The following ICA1L variants were observed in gnomAD, a reference collection of about 807,000 sequenced individuals.
ICA1L encodes islet cell autoantigen 1-like protein.
In ICA1L, 50 loss-of-function variants were observed where a neutral mutation model predicts 61.3. That is an observed-to-expected ratio of 0.82 (90% CI 0.65 to 1.03). The LOEUF is 1.03. Ranked by LOEUF, ICA1L falls within the 50% of genes least tolerant of loss-of-function variation. ICA1L has a pLI of 0.00. For synonymous variants in ICA1L, 161 were observed against 191.3 expected (o/e 0.84, Z 1.31); for missense variants, 508 against 556.7 (o/e 0.91, Z 0.88).
intron 6 of ICA1L, among the ~76,000 whole-genome samples, chr2:202,816,660 C>T (rs1324870336): frequency 6.6e-6 from 1 of 152,196 alleles, no homozygotes; most frequent in East Asian, 1.9e-4. Flanking sequence ...CATCCTTTCT[C>T]CATTTCTGAA....
intron 12 of ICA1L, among the ~76,000 whole-genome samples, chr2:202,785,239 AAAAG>A (rs1423095430): frequency 2.0e-5 from 3 of 151,202 alleles, no homozygotes; most frequent in South Asian, 4.2e-4. Context: ...AAAAAAAAAG[AAAAG>A]AAAAAGGTTA....
chr2:202,807,572 GTGT>G (rs1234662810), intron 9 of ICA1L, among the ~76,000 whole-genome samples: 5 of 152,148 alleles, frequency 3.3e-5, no homozygotes, highest in Non-Finnish European at 7.4e-5. Flanking sequence ...GCAAGCCCTG[GTGT>G]TGTGCTGGGC....
At chr2:202,824,832 G>A (rs1413226512) in intron 3 of ICA1L, among the ~76,000 whole-genome samples, 2 of 152,196 alleles carry the variant, frequency 1.3e-5, no homozygotes, top group Non-Finnish European at 2.9e-5. Context: ...GCAAAGGCAG[G>A]ATGCCAAGAA....
At chr2:202,803,256 C>T (rs1157422392) in intron 9 of ICA1L, among the ~76,000 whole-genome samples, 1 of 151,798 alleles carries the variant, frequency 6.6e-6, no homozygotes, top group African/African-American at 2.4e-5. Context: ...AAAAAATTAG[C>T]TGGGTGTGGT....
intron 1 of ICA1L, among the ~76,000 whole-genome samples, chr2:202,847,695 T>TATATATATATATATATATATATATATA (rs1694501069): frequency 2.0e-5 from 2 of 102,230 alleles, no homozygotes; most frequent in African/African-American, 8.6e-5. Flanking sequence ...TATATGGGAA[T>TATATATATATATATATATATATATATA]TATATATATA....
At chr2:202,786,054 G>A (rs759265495) in intron 11 of ICA1L, 47 bp from the exon 12 acceptor site, 2 of 1,059,976 alleles carry the variant, frequency 1.9e-6, no homozygotes, top group African/African-American at 1.6e-5. Flanking sequence ...CAAATAGGAA[G>A]CAGCATCAGA....
At chr2:202,836,544 T>C (rs970493636) in intron 1 of ICA1L, among the ~76,000 whole-genome samples, 5 of 152,148 alleles carry the variant, frequency 3.3e-5, no homozygotes, top group Non-Finnish European at 7.4e-5. Flanking sequence ...TCTCCTTCCT[T>C]TTCAATTTTT....
At chr2:202,818,411 G>A (rs544897224) in intron 5 of ICA1L, among the ~76,000 whole-genome samples, 6 of 152,162 alleles carry the variant, frequency 3.9e-5, no homozygotes, top group Non-Finnish European at 8.8e-5. Flanking sequence ...GGTAGAGCAC[G>A]TTCTTCCTGG....
At chr2:202,813,080 G>A (rs1693425994) in intron 8 of ICA1L, among the ~76,000 whole-genome samples, 1 of 152,002 alleles carries the variant, frequency 6.6e-6, no homozygotes, top group East Asian at 1.9e-4. Flanking sequence ...CCAACATAGT[G>A]AAACTCCATC....
At chr2:202,793,506 A>T (rs1269496671) in intron 10 of ICA1L, among the ~76,000 whole-genome samples, 4 of 145,772 alleles carry the variant, frequency 2.7e-5, no homozygotes, top group Non-Finnish European at 6.0e-5. Flanking sequence ...AAAAAAAAAA[A>T]AAAAAAAAAA....
Position 202,785,481 on chromosome 2 carries a change from G to A in ICA1L, c.1333+437C>T, listed in dbSNP as rs186003277. 9.3e-4 allele frequency among the ~76,000 whole-genome samples: 142 copies of A among 152,214 alleles called. 2 individuals are homozygous for A. The highest frequency in any genetic ancestry group is 4.5e-3 in the Admixed American group (69 of 15,284). On this transcript the variant is annotated intron_variant, in intron 12 of 12. Transcript: ENST00000358299. ...TCGCCCAGGCTGGAGTGAGTGCAGT[G>A]GCACAATCTTGGCTCACTGCAACCT... is the stretch of plus-strand genomic sequence containing the variant.
At chr2:202,786,632 A>G in intron 11 of ICA1L, 1 of 403,652 alleles carries the variant, frequency 2.5e-6, no homozygotes, top group South Asian at 1.9e-5. Flanking sequence ...GGGAAGGAAC[A>G]GGCCTGATAA....
In ICA1L at chr2:202,789,048, TCTTCTC is replaced by T; in HGVS notation, c.1019_1024del (p.Gly340_Glu341del). On this transcript the variant is annotated inframe_deletion, in exon 11 of 13. Coordinates refer to ENST00000358299, the MANE Select transcript of ICA1L (RefSeq NM_001288622.3). ...CAGAAATGAGAATTCCTTCTCAAAA[TCTTCTC>T]CTTCCAATGAATCTACAGGTAGATC... 1 of 1,612,802 alleles carries T rather than the reference TCTTCTC, an allele frequency of 6.2e-7. No homozygotes were observed. The highest frequency in any genetic ancestry group is 8.5e-7 in the Non-Finnish European group (1 of 1,179,102).
At chr2:202,847,137 A>G (rs1213530613) in intron 1 of ICA1L, among the ~76,000 whole-genome samples, 1 of 152,234 alleles carries the variant, frequency 6.6e-6, no homozygotes, top group East Asian at 1.9e-4. Flanking sequence ...CAGAGAGACT[A>G]AACACAGAGA....
intron 8 of ICA1L, among the ~76,000 whole-genome samples, chr2:202,812,571 C>T (rs888501585): frequency 4.6e-5 from 7 of 151,476 alleles, no homozygotes; most frequent in Non-Finnish European, 7.4e-5. Context: ...GGCAAGACTC[C>T]GTCTCAAACA....
At chr2:202,796,851 T>G in intron 10 of ICA1L, 39 bp downstream of exon 10, 1 of 1,226,182 alleles carries the variant, frequency 8.2e-7, no homozygotes. Flanking sequence ...TTGAAGAATT[T>G]TAAAGAATCA....
chr2:202,782,458 A>G (rs1024709899), intron 12 of ICA1L, among the ~76,000 whole-genome samples: 1 of 148,408 alleles, frequency 6.7e-6, no homozygotes, highest in Admixed American at 6.8e-5. Flanking sequence ...CCCAGGCTGG[A>G]GGGCAATGGT....
chr2:202,808,868 T>C (rs1409351961), intron 9 of ICA1L, among the ~76,000 whole-genome samples: 1 of 152,210 alleles, frequency 6.6e-6, no homozygotes, highest in African/African-American at 2.4e-5. Context: ...AAGATTTAGA[T>C]GACAACAACT....
intron 1 of ICA1L, among the ~76,000 whole-genome samples, chr2:202,863,683 C>T (rs1292395996): frequency 1.3e-5 from 2 of 151,726 alleles, no homozygotes; most frequent in Non-Finnish European, 2.9e-5. Flanking sequence ...AAAAATCAGC[C>T]CGGCGTGGTG....
Sources: allele counts gnomAD v4.1 joint callset (sites outside exome capture counted in the v4.1 genomes callset), GRCh38; gene constraint gnomAD v4.1.1; transcripts MANE v1.5; gene names NCBI Gene and HGNC (gene_info 2026-07-23, HGNC 2026-07-21).